Variants in TMC1 observed in about 807,000 individuals in gnomAD.
The protein encoded by TMC1 is transmembrane channel like 1.
In TMC1, 84 loss-of-function variants were observed where a neutral mutation model predicts 105.8. The observed-to-expected ratio is 0.79, with a 90% CI of 0.67 to 0.95. The LOEUF is 0.95. TMC1 is among the 40% of genes least tolerant of loss of function. The probability of loss-of-function intolerance (pLI) is 0.00; values close to 1 mark genes in which losing one functional copy is unlikely to be tolerated. For synonymous variants in TMC1, 315 were observed against 311.5 expected (o/e 1.01, Z -0.12); for missense variants, 817 against 914.1 (o/e 0.89, Z 1.37).
At position 72,645,739 on chromosome 9, in the gene TMC1, A is replaced by G. The variant is rs543967212; in HGVS notation, c.-52-2858A>G. ...TTTGCAAGAATTTCAATGGGAAATC[A>G]TTAGGCAGCCACCTTACAGTCTTGA... On this transcript the variant is annotated intron_variant, in intron 4 of 23. Coordinates refer to ENST00000297784, the MANE Select transcript of TMC1 (RefSeq NM_138691.3). 3.3e-5 allele frequency among the ~76,000 whole-genome samples: 5 copies of G among 152,352 alleles called. 1 individual carries two copies. The highest frequency in any genetic ancestry group is 2.6e-4 in the Admixed American group (4 of 15,306).
intron 17 of TMC1, 131 bp from the exon 18 acceptor site, chr9:72,805,248 AGTT>A (rs1193330938): frequency 1.3e-6 from 1 of 763,656 alleles, no homozygotes; most frequent in African/African-American, 1.7e-5. Flanking sequence ...TGATATGACT[AGTT>A]GTTTTCTTCT....
intron 13 of TMC1, among the ~76,000 whole-genome samples, chr9:72,782,162 CAAAT>C (rs1828103563): frequency 6.6e-6 from 1 of 152,134 alleles, no homozygotes; most frequent in South Asian, 2.1e-4. Context: ...TCAACATACA[CAAAT>C]AAATAAATGT....
rs369562300 is a variant in TMC1 at position 72,805,378 on chromosome 9, A to C, written c.1567-4A>C. The C allele has an allele frequency of 1.9e-6, 3 of 1,613,708 alleles. No homozygotes were observed. The African/African-American group carries it at 4.0e-5, about 22-fold the overall frequency. ...GTGTTTTAATAGAGATAATATCTCA[A>C]CAGGAGTTTGTGAGGCTGACAGTCT... is the stretch of plus-strand genomic sequence containing the variant. On this transcript the variant is annotated splice_polypyrimidine_tract_variant and splice_region_variant and intron_variant, in intron 17 of 23. Coordinates refer to ENST00000297784, the MANE Select transcript of TMC1 (RefSeq NM_138691.3).
At chr9:72,742,343 C>T in intron 9 of TMC1, 101 bp from the exon 10 acceptor site, 1 of 908,912 alleles carries the variant, frequency 1.1e-6, no homozygotes, top group Non-Finnish European at 1.8e-6. Context: ...GCCAGAGAGA[C>T]ATTTCCAAGC....
chr9:72,536,026 T>C (rs1823578437), intron 1 of TMC1, among the ~76,000 whole-genome samples: 1 of 152,188 alleles, frequency 6.6e-6, no homozygotes, highest in Non-Finnish European at 1.5e-5. Context: ...ATCCAAACTA[T>C]AGCATTCTGC....
At chr9:72,740,018 A>G in intron 8 of TMC1, 101 bp from the exon 9 acceptor site, 1 of 882,026 alleles carries the variant, frequency 1.1e-6, no homozygotes, top group South Asian at 1.5e-5. Flanking sequence ...TCTAGAAGAA[A>G]TAAGACTGCA....
At chr9:72,538,559 C>T (rs1303177156) in intron 1 of TMC1, among the ~76,000 whole-genome samples, 2 of 152,078 alleles carry the variant, frequency 1.3e-5, no homozygotes, top group Non-Finnish European at 2.9e-5. Flanking sequence ...GCATCAGCCT[C>T]CTATGTAGCT....
intron 3 of TMC1, 82 bp from the exon 4 acceptor site, chr9:72,627,839 A>G: frequency 2.9e-6 from 1 of 349,800 alleles, no homozygotes; most frequent in South Asian, 2.2e-5. Context: ...TTTAAAAAAC[A>G]TTCTTTACTC....
intron 1 of TMC1, among the ~76,000 whole-genome samples, chr9:72,539,361 G>T (rs1481708637): frequency 1.3e-5 from 2 of 152,052 alleles, no homozygotes; most frequent in Admixed American, 1.3e-4. Flanking sequence ...ATCCTAGATC[G>T]TGCCACTGCA....
chr9:72,688,764 G>T lies in TMC1; in HGVS notation c.64+8G>T. ...AGACTGAGGAAAGCTCAAGTAAGTG[G>T]TGATGGGCCACTTGGGATACATTTC... On this transcript the variant is annotated splice_region_variant and intron_variant, in intron 6 of 23. Coordinates refer to ENST00000297784, the MANE Select transcript of TMC1 (RefSeq NM_138691.3). 1 of 1,609,086 alleles carries T rather than the reference G, an allele frequency of 6.2e-7. No homozygotes were observed. The highest frequency in any genetic ancestry group is 8.5e-7 in the Non-Finnish European group (1 of 1,176,322).
In TMC1 at chr9:72,796,550, A is replaced by T. The variant is rs2118210275; in HGVS notation, c.1566+4198A>T. ...CAATCAAGTAGGCGTCATCCTTGGG[A>T]TGGAAGGTTAGTTCAACATATGCAA... On this transcript the variant is annotated intron_variant, in intron 17 of 23. Coordinates refer to ENST00000297784, the MANE Select transcript of TMC1 (RefSeq NM_138691.3). 2.0e-5 allele frequency among the ~76,000 whole-genome samples: 3 copies of T among 152,324 alleles called. 1 individual carries two copies. Among genetic ancestry groups the T allele is most frequent in the Middle Eastern group, 3.4e-3 (1 of 294 alleles).
intron 8 of TMC1, among the ~76,000 whole-genome samples, chr9:72,714,060 C>T (rs557203662): frequency 2.5e-4 from 38 of 152,220 alleles, no homozygotes; most frequent in Non-Finnish European, 5.0e-4. Context: ...TGTTCAGTTT[C>T]GATGTAGTTG....
At chr9:72,587,900 C>T (rs1330558501) in intron 2 of TMC1, among the ~76,000 whole-genome samples, 1 of 151,742 alleles carries the variant, frequency 6.6e-6, no homozygotes, top group African/African-American at 2.4e-5. Flanking sequence ...ATTCTCCTGC[C>T]TCAGCCTCAC....
At chr9:72,704,469 A>G (rs1274851116) in intron 8 of TMC1, among the ~76,000 whole-genome samples, 1 of 152,188 alleles carries the variant, frequency 6.6e-6, no homozygotes, top group Non-Finnish European at 1.5e-5. Context: ...AGCATCTACC[A>G]TTAGGAACCC....
At chr9:72,577,564 C>T (rs757901033) in intron 1 of TMC1, among the ~76,000 whole-genome samples, 8 of 151,594 alleles carry the variant, frequency 5.3e-5, no homozygotes, top group African/African-American at 2.0e-4. Flanking sequence ...GATCAGCTAA[C>T]CTTTAGGCCA....
intron 5 of TMC1, among the ~76,000 whole-genome samples, chr9:72,660,996 C>A (rs1825961968): frequency 6.6e-6 from 1 of 152,096 alleles, no homozygotes; most frequent in Non-Finnish European, 1.5e-5. Context: ...CAGAAAAATA[C>A]AAAAAATTAG....
chr9:72,713,686 G>GACT (rs1443882766), intron 8 of TMC1, among the ~76,000 whole-genome samples: 2 of 147,916 alleles, frequency 1.4e-5, no homozygotes, highest in Non-Finnish European at 3.0e-5. Flanking sequence ...AGTCTGGCTA[G>GACT]TTGTTGATCT....
intron 8 of TMC1, among the ~76,000 whole-genome samples, chr9:72,713,831 G>T (rs1411657166): frequency 6.7e-6 from 1 of 149,196 alleles, no homozygotes; most frequent in East Asian, 2.0e-4. Flanking sequence ...TTTTGCTCTT[G>T]CTTCTCTAGT....
chr9:72,605,931 G>A (rs1824903584), intron 2 of TMC1, among the ~76,000 whole-genome samples: 1 of 152,062 alleles, frequency 6.6e-6, no homozygotes. Flanking sequence ...TGAAGGCCCT[G>A]TCTCCAAATA....
Sources: allele counts gnomAD v4.1 joint callset (sites outside exome capture counted in the v4.1 genomes callset), GRCh38; gene constraint gnomAD v4.1.1; transcripts MANE v1.5; gene names NCBI Gene and HGNC (gene_info 2026-07-23, HGNC 2026-07-21).